The following RMDN2 variants were observed in gnomAD, a reference collection of about 807,000 sequenced individuals.
RMDN2 encodes the protein regulator of microtubule dynamics protein 2.
A neutral mutation model predicts 52.8 loss-of-function variants in RMDN2; 61 were observed. That is an observed-to-expected ratio of 1.16 (90% CI 0.94 to 1.43). The LOEUF (loss-of-function observed/expected upper bound fraction) is 1.43, where lower values mean the gene tolerates loss of function less well. Ranked by LOEUF, RMDN2 falls within the 40% of genes most tolerant of loss-of-function variation. The pLI is 0.00. For missense variants in RMDN2, 592 were observed against 475.3 expected (o/e 1.25, Z -2.28); for synonymous variants, 180 against 153.1 (o/e 1.18, Z -1.30).
At chr2:38,038,724 A>T (rs1680759270) in intron 10 of RMDN2, among the ~76,000 whole-genome samples, 1 of 152,182 alleles carries the variant, frequency 6.6e-6, no homozygotes, top group Non-Finnish European at 1.5e-5. Context: ...AGGTGGGTTG[A>T]TTACACTGGG....
At chr2:37,934,763 C>T (rs1300867094) in intron 2 of RMDN2, among the ~76,000 whole-genome samples, 1 of 151,996 alleles carries the variant, frequency 6.6e-6, no homozygotes, top group African/African-American at 2.4e-5. Flanking sequence ...TTGATGTTTT[C>T]AGTTTCAATT....
chr2:38,013,769 G>T (rs1223348047), intron 10 of RMDN2, among the ~76,000 whole-genome samples: 1 of 152,004 alleles, frequency 6.6e-6, no homozygotes, highest in East Asian at 1.9e-4. Flanking sequence ...GTAATAAATG[G>T]GTCTCTTGTC....
At position 38,041,523 on chromosome 2, in the gene RMDN2, A is replaced by G. The variant is rs553001736; in HGVS notation, c.1714-25459A>G. 4.1e-5 allele frequency among the ~76,000 whole-genome samples: 6 copies of G among 144,690 alleles called. No homozygotes were observed. The East Asian group carries it at 7.0e-4, about 17-fold the overall frequency. The allele number at this position is 144,690 out of a possible 152,430, so 94.9% of individuals were successfully genotyped here. ...AGGAGACATATATACTTTGTTCCCA[A>G]TCTTGAGGAGAAAGTACCCAGTTTC... On this transcript the variant is annotated intron_variant, in intron 10 of 10. Coordinates refer to the RMDN2 transcript ENST00000234195.
At chr2:37,934,926 T>G (rs934276302) in intron 2 of RMDN2, among the ~76,000 whole-genome samples, 24 of 151,946 alleles carry the variant, frequency 1.6e-4, no homozygotes, top group African/African-American at 5.8e-4. Context: ...AACATCTTTT[T>G]AAAGAGTTAA....
chr2:37,982,026 C>T (rs1673386317), intron 5 of RMDN2, among the ~76,000 whole-genome samples: 1 of 151,990 alleles, frequency 6.6e-6, no homozygotes, highest in African/African-American at 2.4e-5. Flanking sequence ...AATACAGGTG[C>T]CCCAGATAGT....
intron 4 of RMDN2, among the ~76,000 whole-genome samples, chr2:37,977,811 G>T (rs1672729275): frequency 1.3e-5 from 2 of 152,110 alleles, no homozygotes; most frequent in South Asian, 4.2e-4. Context: ...ATGATGGCCG[G>T]GAAGAGGCGC....
chr2:38,054,803 G>A (rs1222255563), intron 10 of RMDN2, among the ~76,000 whole-genome samples: 3 of 152,054 alleles, frequency 2.0e-5, no homozygotes, highest in African/African-American at 7.2e-5. Context: ...GCACGACTCT[G>A]GACACCTCAC....
intron 7 of RMDN2, among the ~76,000 whole-genome samples, chr2:37,995,684 A>G (rs1675444930): frequency 6.6e-6 from 1 of 152,252 alleles, no homozygotes; most frequent in African/African-American, 2.4e-5. Flanking sequence ...ATTGGAGAAT[A>G]GACATCTTTT....
At chr2:37,958,962 C>G (rs1669840612) in intron 2 of RMDN2, among the ~76,000 whole-genome samples, 1 of 150,994 alleles carries the variant, frequency 6.6e-6, no homozygotes, top group Non-Finnish European at 1.5e-5. Flanking sequence ...CGTTTATTGA[C>G]TTGCATGTGT....
rs139388792 is a variant in RMDN2 at position 38,052,391 on chromosome 2, T to C, written c.1714-14591T>C. ...GGATTATTTGGTGGTTTTCTTTCTGTTTTGTTGAGTTCCTTGTATATTCTA... is the reference window on the plus strand; with the variant it reads ...GGATTATTTGGTGGTTTTCTTTCTGCTTTGTTGAGTTCCTTGTATATTCTA... On this transcript the variant is annotated intron_variant, in intron 10 of 10. Transcript: ENST00000234195. 4.6e-3 allele frequency among the ~76,000 whole-genome samples: 704 copies of C among 152,330 alleles called. 4 individuals are homozygous for C. The highest frequency in any genetic ancestry group is 0.016 in the African/African-American group (677 of 41,562).
intron 10 of RMDN2, among the ~76,000 whole-genome samples, chr2:38,041,781 C>T (rs1183638226): frequency 5.3e-5 from 8 of 152,062 alleles, no homozygotes; most frequent in Admixed American, 5.2e-4. Context: ...TTAAGCCTTG[C>T]AAATCTTGAA....
rs1390462516 is a variant in RMDN2 at position 38,034,676 on chromosome 2, G to C, written c.1713+30460G>C. ...CTCCAAACTTTCTTATTTTATGCTT[G>C]AATCGGTTGTAAAAATTGTCATCCC... On this transcript the variant is annotated intron_variant, in intron 10 of 10. Coordinates refer to the RMDN2 transcript ENST00000234195. Among the ~76,000 whole-genome samples the C allele has an allele frequency of 2.0e-5, 3 of 151,554 alleles. No homozygotes were observed. In the East Asian group the frequency reaches 5.8e-4, roughly 29 times the overall value.
At chr2:37,968,438 C>CAAAAAAAAAAAAAA (rs71400332) in intron 2 of RMDN2, among the ~76,000 whole-genome samples, 2 of 89,158 alleles carry the variant, frequency 2.2e-5, no homozygotes, top group Non-Finnish European at 2.1e-5. Flanking sequence ...GACTCTGTCT[C>CAAAAAAAAAAAAAA]AAAAAAAAAA....
At chr2:38,042,325 A>T (rs924777260) in intron 10 of RMDN2, among the ~76,000 whole-genome samples, 1 of 151,562 alleles carries the variant, frequency 6.6e-6, no homozygotes, top group Non-Finnish European at 1.5e-5. Context: ...AGTCATTTGT[A>T]TCTTCCTTGT....
At chr2:37,950,978 C>T (rs1420031855) in intron 2 of RMDN2, among the ~76,000 whole-genome samples, 3 of 151,986 alleles carry the variant, frequency 2.0e-5, no homozygotes, top group African/African-American at 7.3e-5. Context: ...ACTTCTCTTC[C>T]CAAGGTTTAA....
intron 5 of RMDN2, among the ~76,000 whole-genome samples, chr2:37,985,285 C>T (rs187768729): frequency 9.2e-5 from 14 of 152,164 alleles, no homozygotes; most frequent in East Asian, 7.7e-4. Context: ...CATTCCAGCA[C>T]GGTTAGATGG....
In RMDN2 at chr2:37,941,298, G is replaced by A. The variant is rs979613481; in HGVS notation, c.452+11569G>A. ...TCCCAGAGGGCACCCGCCAGATGTC[G>A]ACTGGAGCTCTCCTGTGCGAGATGT... On this transcript the variant is annotated intron_variant, in intron 2 of 10. Coordinates refer to ENST00000354545, the MANE Select transcript of RMDN2 (RefSeq NM_001170791.3). 7.2e-5 allele frequency among the ~76,000 whole-genome samples: 11 copies of A among 152,256 alleles called. No individual in the cohort carries two copies. The East Asian group carries it at 1.2e-3, about 16-fold the overall frequency.
Position 37,977,694 on chromosome 2 carries a change from G to A in RMDN2, c.730+2380G>A, listed in dbSNP as rs563479182. ...TCAATTCCCAGACGGGGTCGCGGCCGGGTAGAGGCGCTCTTCACATCTCAG... is the reference window on the plus strand; with the variant it reads ...TCAATTCCCAGACGGGGTCGCGGCCAGGTAGAGGCGCTCTTCACATCTCAG... On this transcript the variant is annotated intron_variant, in intron 4 of 10. Coordinates refer to ENST00000354545, the MANE Select transcript of RMDN2 (RefSeq NM_001170791.3). 1.3e-4 allele frequency among the ~76,000 whole-genome samples: 20 copies of A among 151,976 alleles called. No individual in the cohort carries two copies. The East Asian group carries it at 3.1e-3, about 24-fold the overall frequency.
Position 37,947,595 on chromosome 2 carries a change from A to G in RMDN2, c.452+17866A>G, listed in dbSNP as rs193122408. The stretch of plus-strand genomic sequence containing the variant: ...CAGTTATCCTGGTGCTAATTTAAAA[A>G]TGAATGTTGCTGTTACTGTCCACAA... On this transcript the variant is annotated intron_variant, in intron 2 of 10. Transcript: ENST00000354545. 2.4e-3 allele frequency among the ~76,000 whole-genome samples: 360 copies of G among 152,290 alleles called. 2 individuals are homozygous for G. Among genetic ancestry groups the G allele is most frequent in the Middle Eastern group, 0.014 (4 of 294 alleles).
Sources: gnomAD v4.1 joint callset for allele counts (sites outside exome capture counted in the v4.1 genomes callset) on GRCh38, gnomAD v4.1.1 for gene constraint, MANE v1.5 for transcripts, NCBI Gene and HGNC (gene_info 2026-07-23, HGNC 2026-07-21) for gene names.